ZNF710: variants seen among roughly 807,000 people sequenced by gnomAD.
ZNF710 encodes the protein zinc finger protein 710.
In ZNF710, 13 loss-of-function variants were observed where a neutral mutation model predicts 50.6. The observed-to-expected ratio is 0.26, with a 90% CI of 0.17 to 0.41. ZNF710 has a LOEUF of 0.41. ZNF710 is among the 10% of genes least tolerant of loss of function. The pLI is 1.00. For synonymous variants in ZNF710, 383 were observed against 397.0 expected (o/e 0.96, Z 0.42); for missense variants, 721 against 936.6 (o/e 0.77, Z 3.01).
chr15:90,023,210 G>T (rs1462943781), intron 1 of ZNF710, among the ~76,000 whole-genome samples: 1 of 152,192 alleles, frequency 6.6e-6, no homozygotes, highest in Non-Finnish European at 1.5e-5. Context: ...TCCATCCATT[G>T]AACCACTCTG....
chr15:90,048,439 G>A (rs994871086), intron 1 of ZNF710, among the ~76,000 whole-genome samples: 1 of 152,252 alleles, frequency 6.6e-6, no homozygotes, highest in Non-Finnish European at 1.5e-5. Flanking sequence ...GCACAGGGAG[G>A]AGGGTGACTT....
In ZNF710 at chr15:90,067,666, A is replaced by T; in HGVS notation, c.529A>T (p.Thr177Ser). ...CCGGACGCTCCGGCATCTGCCCCGA[A>T]CCCCGAGGCCGGAGCTGAACGTGGC... ...KPRTLRHLPRTPRPELNVAPY... is the reference protein window; with the variant it reads ...KPRTLRHLPRSPRPELNVAPY... The change falls in exon 2 of 5, where the codon ACC becomes TCC. Residue 177 changes from threonine (T) to serine (S), a missense_variant. Thr to Ser is a moderately conservative substitution (Grantham distance 58). Coordinates refer to ENST00000268154, the MANE Select transcript of ZNF710 (RefSeq NM_198526.4). This position sits in a 1 kb window ranked among gnomAD's most constrained non-coding sequence, Gnocchi z 8.1. 6.2e-7 allele frequency: 1 copy of T among 1,612,770 alleles called. No homozygotes were observed. The highest frequency in any genetic ancestry group is 8.5e-7 in the Non-Finnish European group (1 of 1,179,586).
intron 1 of ZNF710, among the ~76,000 whole-genome samples, chr15:90,029,696 A>G (rs1437818102): frequency 2.6e-5 from 4 of 151,582 alleles, no homozygotes; most frequent in Non-Finnish European, 4.4e-5. Context: ...GCTCACTACA[A>G]CCTCCACCTC....
In ZNF710 at chr15:90,067,630, A is replaced by G. The variant is rs1370089008; in HGVS notation, c.493A>G (p.Ser165Gly). 1.9e-6 allele frequency: 3 copies of G among 1,612,234 alleles called. No individual in the cohort carries two copies. The highest frequency in any genetic ancestry group is 2.2e-5 in the East Asian group (1 of 44,816). The change falls in exon 2 of 5, where the codon AGC (serine) becomes GGC (glycine). Residue 165 changes from serine (S) to glycine (G), a missense_variant. This residue lies in a region of ZNF710 where 326 missense variants were observed against 347.1 expected (regional missense o/e 0.94). Coordinates refer to ENST00000268154, the MANE Select transcript of ZNF710 (RefSeq NM_198526.4). This position sits in a 1 kb window ranked among gnomAD's most constrained non-coding sequence, Gnocchi z 8.1. The stretch of plus-strand genomic sequence containing the variant: ...CAAGATGATCGACCTCAGCGCCTTC[A>G]GCCGCAAGCCCCGGACGCTCCGGCA... ...AVKMIDLSAF[S>G]RKPRTLRHLP...
chr15:90,078,211 C>CAAAA (rs35832666), intron 4 of ZNF710, among the ~76,000 whole-genome samples: 4 of 116,264 alleles, frequency 3.4e-5, no homozygotes, highest in Non-Finnish European at 5.4e-5. Context: ...AACTCGGTCT[C>CAAAA]AAAAAAAAAA....
Position 90,068,236 on chromosome 15 carries a change from A to C in ZNF710, c.1099A>C (p.Lys367Gln). ...HKAFTQTSHL[K>Q]RHMLLHSEVK... Reference sequence around the variant, plus strand: ...GGCCTTCACGCAGACCAGCCACCTCAAGCGCCACATGCTGCTGCACTCGGA... The same window carrying C: ...GGCCTTCACGCAGACCAGCCACCTCCAGCGCCACATGCTGCTGCACTCGGA... The change falls in exon 2 of 5, where the codon AAG becomes CAG. Residue 367 changes from lysine (K) to glutamine (Q), a missense_variant. Lys to Gln is a moderately conservative substitution (Grantham distance 53). Coordinates refer to ENST00000268154, the MANE Select transcript of ZNF710 (RefSeq NM_198526.4). This position sits in a 1 kb window ranked among gnomAD's most constrained non-coding sequence, Gnocchi z 5.0. 6.2e-7 allele frequency: 1 copy of C among 1,613,544 alleles called. No homozygotes were observed. Among genetic ancestry groups the C allele is most frequent in the Non-Finnish European group, 8.5e-7 (1 of 1,179,960 alleles).
chr15:90,000,148 G>T (rs1470003435), upstream of ZNF710, among the ~76,000 whole-genome samples: 1 of 152,186 alleles, frequency 6.6e-6, no homozygotes, highest in Non-Finnish European at 1.5e-5. Context: ...CTTTGCTTTG[G>T]GAACTTTCCC....
At chr15:90,074,348 G>T in intron 4 of ZNF710, 58 bp downstream of exon 4, 1 of 1,600,904 alleles carries the variant, frequency 6.2e-7, no homozygotes. Flanking sequence ...ACGCACTCAG[G>T]AGCCTCCTGC....
At chr15:90,041,464 T>G (rs1180418109) in intron 1 of ZNF710, among the ~76,000 whole-genome samples, 1 of 152,174 alleles carries the variant, frequency 6.6e-6, no homozygotes, top group East Asian at 1.9e-4. Flanking sequence ...AGTGCTGGGA[T>G]TATAGGTATG....
chr15:90,077,041 G>C (rs1054825507), intron 4 of ZNF710, among the ~76,000 whole-genome samples: 1 of 152,218 alleles, frequency 6.6e-6, no homozygotes, highest in East Asian at 1.9e-4. Flanking sequence ...GGCTTGATGC[G>C]TATGCAGAAG....
At chr15:90,001,976 A>T (rs1898024273) in intron 1 of ZNF710, among the ~76,000 whole-genome samples, 1 of 146,472 alleles carries the variant, frequency 6.8e-6, no homozygotes, top group Non-Finnish European at 1.5e-5. Context: ...TGAGAGAGAG[A>T]GAGAGAGAGA....
chr15:90,067,280 G>C lies in ZNF710; in HGVS notation c.143G>C (p.Gly48Ala). The change falls in exon 2 of 5, where the codon GGG (glycine) becomes GCG (alanine). Residue 48 changes from glycine to alanine, a missense_variant. Around this residue, in one of 3 missense-constraint regions of ZNF710, gnomAD observed 326 missense variants for 347.1 expected, o/e 0.94. Transcript: ENST00000268154. This position sits in a 1 kb window ranked among gnomAD's most constrained non-coding sequence, Gnocchi z 8.1. Reference protein sequence around the residue: ...ISAEAFYPDLGPELSGAAMGE... With the variant: ...ISAEAFYPDLAPELSGAAMGE... ...GCCGAGGCCTTCTACCCGGACCTGG[G>C]GCCCGAGCTTTCAGGGGCAGCCATG... is the stretch of plus-strand genomic sequence containing the variant. 1 of 1,612,404 alleles carries C rather than the reference G, an allele frequency of 6.2e-7. No individual in the cohort carries two copies. Among genetic ancestry groups the C allele is most frequent in the Non-Finnish European group, 8.5e-7 (1 of 1,179,510 alleles).
At chr15:90,074,973 C>G (rs1393881249) in intron 4 of ZNF710, 3 of 168,972 alleles carry the variant, frequency 1.8e-5, no homozygotes, top group Non-Finnish European at 3.8e-5. Context: ...ACGTTAAGAT[C>G]TGGGAGAAAT....
intron 1 of ZNF710, among the ~76,000 whole-genome samples, chr15:90,037,562 G>A (rs1273085953): frequency 6.6e-6 from 1 of 152,186 alleles, no homozygotes; most frequent in Non-Finnish European, 1.5e-5. Flanking sequence ...CACCACTGGT[G>A]GTACTCAGAG....
intron 1 of ZNF710, among the ~76,000 whole-genome samples, chr15:90,044,403 G>A (rs975316700): frequency 3.3e-5 from 5 of 152,136 alleles, no homozygotes; most frequent in Admixed American, 6.5e-5. Context: ...GGTGGCGTCC[G>A]TGTGAACATG....
intron 1 of ZNF710, among the ~76,000 whole-genome samples, chr15:90,010,989 G>C (rs1898287519): frequency 6.8e-6 from 1 of 146,696 alleles, no homozygotes; most frequent in Non-Finnish European, 1.5e-5. Flanking sequence ...GGAGTGCAAT[G>C]GTGCAATCTC....
chr15:90,005,727 C>T (rs943476612), intron 1 of ZNF710, among the ~76,000 whole-genome samples: 5 of 152,210 alleles, frequency 3.3e-5, no homozygotes, highest in Admixed American at 1.3e-4. Context: ...GGATTACAGG[C>T]GTGAGCCACT....
rs202122863 is a variant in ZNF710 at position 90,034,427 on chromosome 15, CCTGT to C, written c.-28-32682_-28-32679del. Among the ~76,000 whole-genome samples, 8 of 113,698 alleles carry C rather than the reference CCTGT, an allele frequency of 7.0e-5. No homozygotes were observed. The highest frequency in any genetic ancestry group is 1.9e-4 in the Admixed American group (2 of 10,536). The allele number at this position is 113,698 out of a possible 152,430, so 74.6% of individuals were successfully genotyped here. On this transcript the variant is annotated intron_variant, in intron 1 of 4. Coordinates refer to ENST00000268154, the MANE Select transcript of ZNF710 (RefSeq NM_198526.4). This position sits in a 1 kb window ranked among gnomAD's most constrained non-coding sequence, Gnocchi z 4.0. ...CAGCTGTCCTTCCTGTTTCCAAATTCCTGTGTGTGTGTGTGTGTGTGTGTGTGTG... is the reference window on the plus strand; with the variant it reads ...CAGCTGTCCTTCCTGTTTCCAAATTCGTGTGTGTGTGTGTGTGTGTGTGTG...
In ZNF710 at chr15:90,067,297, G is replaced by C; in HGVS notation, c.160G>C (p.Ala54Pro). 2 of 1,610,832 alleles carry C rather than the reference G, an allele frequency of 1.2e-6. No individual in the cohort carries two copies. Among genetic ancestry groups the C allele is most frequent in the Non-Finnish European group, 1.7e-6 (2 of 1,178,854 alleles). Residue 54 changes from alanine to proline, a missense_variant, in exon 2 of 5, where the codon GCA (alanine) becomes CCA (proline). Transcript: ENST00000268154. The surrounding 1 kb of genome is among the most constrained non-coding windows in gnomAD (Gnocchi z 8.1). The stretch of plus-strand genomic sequence containing the variant: ...GGACCTGGGGCCCGAGCTTTCAGGG[G>C]CAGCCATGGGAGAGCCCGAGCCACC... ...YPDLGPELSG[A>P]AMGEPEPPGP...
Sources: allele counts gnomAD v4.1 joint callset (sites outside exome capture counted in the v4.1 genomes callset), GRCh38; gene constraint gnomAD v4.1.1; regional missense constraint gnomAD v4.1.1; non-coding constraint Gnocchi (gnomAD v3.1); transcripts MANE v1.5; gene names NCBI Gene and HGNC (gene_info 2026-07-23, HGNC 2026-07-21).